Variants in HIP1 observed in about 807,000 individuals in gnomAD.
The protein encoded by HIP1 is huntingtin interacting protein 1, also known as huntingtin-interacting protein 1.
A neutral mutation model predicts 147.6 loss-of-function variants in HIP1; 65 were observed. The observed-to-expected ratio is 0.44, with a 90% CI of 0.36 to 0.54. The LOEUF is 0.54. HIP1 is among the 20% of genes least tolerant of loss of function. The probability of loss-of-function intolerance (pLI) is 0.00; values close to 1 mark genes in which losing one functional copy is unlikely to be tolerated. For missense variants in HIP1, 1,061 were observed against 1,299.6 expected (o/e 0.82, Z 2.82); for synonymous variants, 479 against 504.0 (o/e 0.95, Z 0.67).
intron 1 of HIP1, among the ~76,000 whole-genome samples, chr7:75,617,059 A>C (rs1554506187): frequency 6.9e-6 from 1 of 145,752 alleles, no homozygotes. Flanking sequence ...GGTGCATGCC[A>C]CCACACCCAG....
At chr7:75,640,675 C>T (rs1202201654) in intron 1 of HIP1, among the ~76,000 whole-genome samples, 1 of 151,084 alleles carries the variant, frequency 6.6e-6, no homozygotes, top group African/African-American at 2.4e-5. Flanking sequence ...ATCGCTTGAA[C>T]CTGGGAGGCA....
chr7:75,621,554 C>A (rs1554507122), intron 1 of HIP1, among the ~76,000 whole-genome samples: 1 of 152,164 alleles, frequency 6.6e-6, no homozygotes, highest in African/African-American at 2.4e-5. Context: ...TGTGCCTGGC[C>A]TCCCTGGAAG....
intron 1 of HIP1, among the ~76,000 whole-genome samples, chr7:75,617,681 G>T (rs1042295164): frequency 2.6e-5 from 4 of 152,196 alleles, no homozygotes; most frequent in Non-Finnish European, 5.9e-5. Flanking sequence ...CGGACACCAG[G>T]CCTTGGGGAA....
In HIP1 at chr7:75,738,894, C is replaced by T. The variant is rs1802114751; in HGVS notation, c.27G>A (p.Lys9=). Residue 9 remains lysine (K), a synonymous_variant, in exon 1 of 31, where the codon AAG becomes AAA. Transcript: ENST00000336926. The part of the protein sequence containing the change: MDRMASSM[K]QVPNPLPKVL... ...CCTTGGGCAGTGGGTTGGGCACCTGCTTCATGGAGCTGGCCATCCGATCCA... is the reference window on the plus strand; with the variant it reads ...CCTTGGGCAGTGGGTTGGGCACCTGTTTCATGGAGCTGGCCATCCGATCCA... 2 of 1,561,198 alleles carry T rather than the reference C, an allele frequency of 1.3e-6. No homozygotes were observed. The highest frequency in any genetic ancestry group is 1.9e-5 in the Admixed American group (1 of 52,738).
At chr7:75,653,227 C>A (rs782186234) in intron 1 of HIP1, among the ~76,000 whole-genome samples, 1 of 152,098 alleles carries the variant, frequency 6.6e-6, no homozygotes, top group Non-Finnish European at 1.5e-5. Flanking sequence ...CTCTGGGAAT[C>A]TCATTGGCAA....
intron 27 of HIP1, among the ~76,000 whole-genome samples, chr7:75,543,758 C>A (rs967768286): frequency 6.6e-6 from 1 of 152,144 alleles, no homozygotes; most frequent in Non-Finnish European, 1.5e-5. Context: ...GACTGCTAAT[C>A]GGAAGTTGGC....
rs587598654 is a variant in HIP1 at position 75,556,148 on chromosome 7, C to T, written c.1705G>A (p.Glu569Lys). 14 of 1,614,156 alleles carry T rather than the reference C, an allele frequency of 8.7e-6. No individual in the cohort carries two copies. The East Asian group carries it at 1.8e-4, about 21-fold the overall frequency. Residue 569 changes from glutamate to lysine, a missense_variant, in exon 18 of 31, where the codon GAG (glutamate) becomes AAG (lysine). Physicochemically the swap from Glu to Lys is moderately conservative, Grantham distance 56. Around this residue, in one of 3 missense-constraint regions of HIP1, gnomAD observed 810 missense variants for 946.8 expected, o/e 0.86. Transcript: ENST00000336926. Reference protein sequence around the residue: ...SAQSEANWAAEFAELEKERDS... With the variant: ...SAQSEANWAAKFAELEKERDS... ...CGCTCCTTCTCTAGCTCGGCGAACT[C>T]GGCTGCCCAGTTTGCTTCTGACTGC...
At chr7:75,648,233 A>G (rs1389872955) in intron 1 of HIP1, among the ~76,000 whole-genome samples, 1 of 150,808 alleles carries the variant, frequency 6.6e-6, no homozygotes, top group African/African-American at 2.5e-5. Context: ...AGCTGGGACT[A>G]GTTGGAGTAG....
In HIP1 at chr7:75,538,097, C is replaced by T; in HGVS notation, c.*75G>A. 1 of 1,261,814 alleles carries T rather than the reference C, an allele frequency of 7.9e-7. No homozygotes were observed. The highest frequency in any genetic ancestry group is 1.2e-6 in the Non-Finnish European group (1 of 858,898). 78.2% of individuals were successfully genotyped at this position (1,261,814 alleles called of 1,614,324 possible). ...TGCCCCTGGGACTCCAAGGATTTGG[C>T]CTGTGGCTGGGGAAATAACACACAC... is the stretch of plus-strand genomic sequence containing the variant. On this transcript the variant is annotated 3_prime_UTR_variant, in exon 31 of 31. Coordinates refer to ENST00000336926, the MANE Select transcript of HIP1 (RefSeq NM_005338.7).
intron 1 of HIP1, among the ~76,000 whole-genome samples, chr7:75,624,104 G>A (rs1797948337): frequency 6.6e-6 from 1 of 152,164 alleles, no homozygotes; most frequent in East Asian, 1.9e-4. Flanking sequence ...CACCTCCAAA[G>A]CACAGACCTC....
At chr7:75,686,142 G>A (rs537356245) in intron 1 of HIP1, among the ~76,000 whole-genome samples, 10 of 152,036 alleles carry the variant, frequency 6.6e-5, no homozygotes, top group African/African-American at 2.4e-4. Flanking sequence ...CACCTGCCTC[G>A]GCCTCCCAAA....
rs782364780 is a variant in HIP1 at position 75,656,711 on chromosome 7, AG to A, written c.121-57465del. Among the ~76,000 whole-genome samples, 77 of 152,306 alleles carry A rather than the reference AG, an allele frequency of 5.1e-4. 2 individuals carry two copies. The highest frequency in any genetic ancestry group is 4.6e-4 in the Admixed American group (7 of 15,278). On this transcript the variant is annotated intron_variant, in intron 1 of 30. Transcript: ENST00000336926. Reference sequence around the variant, plus strand: ...AGGCTGGTCTCGAACTCCCGACCTCAGGTGATCCGCCTGCCTCAGCCTCCCA... The same window carrying A: ...AGGCTGGTCTCGAACTCCCGACCTCAGTGATCCGCCTGCCTCAGCCTCCCA...
chr7:75,543,010 C>A, intron 27 of HIP1, 36 bp from the exon 28 acceptor site: 1 of 1,587,526 alleles, frequency 6.3e-7, no homozygotes. Context: ...TCATACAACA[C>A]CTAGAGCAAC....
At chr7:75,622,873 CTATCTATCTATCTATCTATCTATA>C (rs151240839) in intron 1 of HIP1, among the ~76,000 whole-genome samples, 2,315 of 143,186 alleles carry the variant, frequency 0.016, 19 homozygotes, top group East Asian at 0.066. Flanking sequence ...ATCTATCTAT[CTATCTATCTATCTATCTATCTATA>C]TATTTTTTAA....
chr7:75,701,319 C>T (rs977615987), intron 1 of HIP1, among the ~76,000 whole-genome samples: 1 of 151,852 alleles, frequency 6.6e-6, no homozygotes, highest in Non-Finnish European at 1.5e-5. Flanking sequence ...GCTTGAACCT[C>T]GGAGGCAGAG....
At chr7:75,679,637 G>A (rs1800000200) in intron 1 of HIP1, among the ~76,000 whole-genome samples, 2 of 151,730 alleles carry the variant, frequency 1.3e-5, no homozygotes, top group Non-Finnish European at 2.9e-5. Context: ...TGACCTCCAT[G>A]GGCCAGGCTT....
At chr7:75,694,672 G>C (rs1554518594) in intron 1 of HIP1, among the ~76,000 whole-genome samples, 1 of 111,490 alleles carries the variant, frequency 9.0e-6, no homozygotes, top group Non-Finnish European at 1.7e-5. Context: ...ACCACACCTG[G>C]CTACTTTTTT....
intron 1 of HIP1, among the ~76,000 whole-genome samples, chr7:75,614,784 CT>C (rs1370845096): frequency 6.7e-6 from 1 of 149,544 alleles, no homozygotes; most frequent in Non-Finnish European, 1.5e-5. Context: ...ATTTTTTTTT[CT>C]TTTTCTGAGA....
intron 1 of HIP1, among the ~76,000 whole-genome samples, chr7:75,647,285 C>T (rs1038274321): frequency 3.4e-5 from 5 of 145,646 alleles, no homozygotes; most frequent in African/African-American, 1.3e-4. Flanking sequence ...GTAATCCCAG[C>T]TACACGGGAG....
Sources: gnomAD v4.1 joint callset for allele counts (sites outside exome capture counted in the v4.1 genomes callset) on GRCh38, gnomAD v4.1.1 for gene constraint, gnomAD v4.1.1 regional missense constraint, MANE v1.5 for transcripts, NCBI Gene and HGNC (gene_info 2026-07-23, HGNC 2026-07-21) for gene names.